Variants in ARL15 observed in about 807,000 individuals in gnomAD.
The protein encoded by ARL15 is ADP-ribosylation factor-like protein 15.
In ARL15, 19 loss-of-function variants were observed where a neutral mutation model predicts 25.2. That is an observed-to-expected ratio of 0.75 (90% CI 0.53 to 1.10). The LOEUF is 1.10. ARL15 is among the 50% of genes least tolerant of loss of function. ARL15 has a pLI of 0.00. For synonymous variants in ARL15, 94 were observed against 86.8 expected (o/e 1.08, Z -0.46); for missense variants, 220 against 246.0 (o/e 0.89, Z 0.71).
At chr5:54,016,234 A>C (rs1177956618) in intron 4 of ARL15, among the ~76,000 whole-genome samples, 1 of 152,168 alleles carries the variant, frequency 6.6e-6, no homozygotes, top group South Asian at 2.1e-4. Context: ...TGTATAATAT[A>C]TAATTTGCTT....
chr5:53,982,842 C>T (rs1205133766), intron 4 of ARL15, among the ~76,000 whole-genome samples: 1 of 152,176 alleles, frequency 6.6e-6, no homozygotes, highest in Non-Finnish European at 1.5e-5. Flanking sequence ...TCCTCTCCGG[C>T]ACCTGTTGTT....
chr5:53,977,097 G>A (rs1315101610), intron 4 of ARL15, among the ~76,000 whole-genome samples: 1 of 152,120 alleles, frequency 6.6e-6, no homozygotes, highest in African/African-American at 2.4e-5. Flanking sequence ...GGTGGCTCAC[G>A]CCTGTAATCC....
chr5:53,936,283 C>T (rs1404411962), intron 4 of ARL15, among the ~76,000 whole-genome samples: 1 of 152,126 alleles, frequency 6.6e-6, no homozygotes, highest in Non-Finnish European at 1.5e-5. Context: ...TGCATTTATC[C>T]TCACCAACTT....
In ARL15 at chr5:54,163,356, C is replaced by CTTTTTTTTTTT. The variant is rs869196680; in HGVS notation, c.193+8417_193+8427dup. Among the ~76,000 whole-genome samples, 16 of 55,702 alleles carry CTTTTTTTTTTT rather than the reference C, an allele frequency of 2.9e-4. 1 individual carries two copies. Among genetic ancestry groups the CTTTTTTTTTTT allele is most frequent in the East Asian group, 5.5e-4 (1 of 1,834 alleles). 36.5% of individuals were successfully genotyped at this position (55,702 alleles called of 152,430 possible). On this transcript the variant is annotated intron_variant, in intron 2 of 4. Coordinates refer to ENST00000504924, the MANE Select transcript of ARL15 (RefSeq NM_019087.3). ...GTCCATGAGGGCTATTGGTATGAAG[C>CTTTTTTTTTTT]TTTTTTTTTTTTTTTTTTTTTTTTT... is the stretch of plus-strand genomic sequence containing the variant.
At chr5:54,222,914 G>A (rs1474934279) in intron 1 of ARL15, among the ~76,000 whole-genome samples, 1 of 151,934 alleles carries the variant, frequency 6.6e-6, no homozygotes, top group African/African-American at 2.4e-5. Flanking sequence ...CCGCCTCCCG[G>A]GTTCTAGTGA....
At chr5:54,089,607 G>A (rs1752072538) in intron 4 of ARL15, among the ~76,000 whole-genome samples, 1 of 152,068 alleles carries the variant, frequency 6.6e-6, no homozygotes, top group African/African-American at 2.4e-5. Context: ...CACACTTAAA[G>A]GAAAAATGTT....
intron 4 of ARL15, among the ~76,000 whole-genome samples, chr5:54,108,261 G>T (rs1160673240): frequency 4.6e-5 from 7 of 152,020 alleles, no homozygotes; most frequent in Non-Finnish European, 7.4e-5. Context: ...ATATTTAATT[G>T]TAACAGCGTG....
chr5:54,303,032 G>C (rs1758653720), intron 1 of ARL15, among the ~76,000 whole-genome samples: 1 of 152,078 alleles, frequency 6.6e-6, no homozygotes. Flanking sequence ...ATAGTTATGA[G>C]ACCTTCCCTA....
At chr5:54,305,429 CAGCCTGCATGACA>C (rs1324396830) in intron 1 of ARL15, among the ~76,000 whole-genome samples, 1 of 151,834 alleles carries the variant, frequency 6.6e-6, no homozygotes, top group Non-Finnish European at 1.5e-5. Context: ...CATTGCACTC[CAGCCTGCATGACA>C]AGAGCAAAAC....
intron 4 of ARL15, among the ~76,000 whole-genome samples, chr5:54,007,861 G>T (rs1215890522): frequency 6.6e-6 from 1 of 152,142 alleles, no homozygotes; most frequent in Non-Finnish European, 1.5e-5. Context: ...AATGTTGGGG[G>T]TCTTGTCTGC....
At chr5:54,181,056 A>G (rs1191219247) in intron 1 of ARL15, among the ~76,000 whole-genome samples, 1 of 152,198 alleles carries the variant, frequency 6.6e-6, no homozygotes, top group Non-Finnish European at 1.5e-5. Context: ...TGAGATTTTA[A>G]AAGTTAGGGC....
At chr5:54,010,066 G>T (rs1749183698) in intron 4 of ARL15, among the ~76,000 whole-genome samples, 1 of 152,098 alleles carries the variant, frequency 6.6e-6, no homozygotes, top group South Asian at 2.1e-4. Context: ...TGACTGTTTT[G>T]AAGCGATTTG....
At chr5:54,198,828 C>T (rs949655712) in intron 1 of ARL15, among the ~76,000 whole-genome samples, 11 of 151,630 alleles carry the variant, frequency 7.3e-5, no homozygotes, top group Admixed American at 2.0e-4. Flanking sequence ...AAAAAGAGCC[C>T]GCATCGCCAA....
intron 1 of ARL15, among the ~76,000 whole-genome samples, chr5:54,227,987 C>A (rs982648163): frequency 1.3e-5 from 2 of 152,186 alleles, no homozygotes; most frequent in East Asian, 3.9e-4. Flanking sequence ...AAAACCACAA[C>A]ATCTTCTCAA....
chr5:54,276,669 C>A (rs1401106401), intron 1 of ARL15, among the ~76,000 whole-genome samples: 1 of 152,188 alleles, frequency 6.6e-6, no homozygotes, highest in Non-Finnish European at 1.5e-5. Context: ...AGGAACTTTG[C>A]AGATATGATT....
At chr5:54,189,795 A>T (rs1755343605) in intron 1 of ARL15, among the ~76,000 whole-genome samples, 1 of 152,228 alleles carries the variant, frequency 6.6e-6, no homozygotes, top group African/African-American at 2.4e-5. Flanking sequence ...GACACAGATG[A>T]AAAAAGAAAC....
intron 4 of ARL15, among the ~76,000 whole-genome samples, chr5:53,938,002 G>A (rs1746407247): frequency 6.6e-6 from 1 of 152,104 alleles, no homozygotes; most frequent in Non-Finnish European, 1.5e-5. Flanking sequence ...TCATTCTCAT[G>A]AGGGTAGAAA....
intron 1 of ARL15, among the ~76,000 whole-genome samples, chr5:54,215,112 TC>T (rs1554048095): frequency 6.6e-6 from 1 of 152,140 alleles, no homozygotes; most frequent in Non-Finnish European, 1.5e-5. Context: ...AGGAGGCCTT[TC>T]CCTAATCAAT....
intron 3 of ARL15, among the ~76,000 whole-genome samples, chr5:54,122,335 A>G (rs1205643601): frequency 6.6e-6 from 1 of 152,252 alleles, no homozygotes; most frequent in Non-Finnish European, 1.5e-5. Flanking sequence ...GAACACAAAC[A>G]GCATGATTAG....
Sources: gnomAD v4.1 joint callset for allele counts (sites outside exome capture counted in the v4.1 genomes callset) on GRCh38, gnomAD v4.1.1 for gene constraint, MANE v1.5 for transcripts, NCBI Gene and HGNC (gene_info 2026-07-23, HGNC 2026-07-21) for gene names.